PCDHA10: variants seen among roughly 807,000 people sequenced by gnomAD.
PCDHA10 encodes protocadherin alpha-10.
A neutral mutation model predicts 61.2 loss-of-function variants in PCDHA10; 45 were observed. That is an observed-to-expected ratio of 0.74 (90% CI 0.58 to 0.94). The LOEUF (loss-of-function observed/expected upper bound fraction) is 0.94, where lower values mean the gene tolerates loss of function less well. Ranked by LOEUF, PCDHA10 falls within the 40% of genes least tolerant of loss-of-function variation. The pLI, the probability that PCDHA10 is intolerant of heterozygous loss-of-function variation, is 0.00. For missense variants in PCDHA10, 1,278 were observed against 1,236.2 expected (o/e 1.03, Z -0.51); for synonymous variants, 602 against 548.8 (o/e 1.10, Z -1.35).
chr5:140,946,199 A>G (rs1300104764), intron 1 of PCDHA10, among the ~76,000 whole-genome samples: 10 of 151,964 alleles, frequency 6.6e-5, no homozygotes, highest in Admixed American at 5.2e-4. Context: ...CTCAAAAGAA[A>G]GCACACAAAT....
chr5:140,967,740 A>G, intron 1 of PCDHA10: 6 of 1,614,170 alleles, frequency 3.7e-6, no homozygotes, highest in Non-Finnish European at 5.1e-6. Flanking sequence ...GGGCTGGATT[A>G]TGAGGAAGCC....
chr5:140,894,919 T>C (rs1188144925), intron 1 of PCDHA10, among the ~76,000 whole-genome samples: 1 of 152,348 alleles, frequency 6.6e-6, no homozygotes, highest in Non-Finnish European at 1.5e-5. Context: ...TGTTGCTCTA[T>C]AGATTTCTAT....
chr5:140,896,366 C>T (rs905088200), intron 1 of PCDHA10, among the ~76,000 whole-genome samples: 1 of 152,090 alleles, frequency 6.6e-6, no homozygotes, highest in Non-Finnish European at 1.5e-5. Context: ...TATAAGCATT[C>T]CCTTTTCTCT....
At chr5:140,958,586 T>A (rs561856247) in intron 1 of PCDHA10, among the ~76,000 whole-genome samples, 11 of 152,266 alleles carry the variant, frequency 7.2e-5, no homozygotes, top group African/African-American at 2.6e-4. Flanking sequence ...TAAATGAGCT[T>A]ATGATAATTG....
chr5:140,963,895 T>C (rs1331133094), intron 1 of PCDHA10, among the ~76,000 whole-genome samples: 2 of 152,224 alleles, frequency 1.3e-5, no homozygotes, highest in Non-Finnish European at 2.9e-5. Flanking sequence ...TTAATTAAAA[T>C]GAGTAAAGTG....
intron 1 of PCDHA10, among the ~76,000 whole-genome samples, chr5:140,921,342 TA>T (rs1311011800): frequency 6.6e-6 from 1 of 152,188 alleles, no homozygotes; most frequent in African/African-American, 2.4e-5. Flanking sequence ...AATCACATAA[TA>T]TATTTGCCTA....
At chr5:140,956,200 GA>G (rs1385482287) in intron 1 of PCDHA10, among the ~76,000 whole-genome samples, 1 of 152,152 alleles carries the variant, frequency 6.6e-6, no homozygotes, top group Non-Finnish European at 1.5e-5. Flanking sequence ...TAGGAGTGGT[GA>G]AAGAGGGCAT....
intron 1 of PCDHA10, among the ~76,000 whole-genome samples, chr5:140,915,921 T>C (rs2077370703): frequency 6.6e-6 from 1 of 152,286 alleles, no homozygotes; most frequent in African/African-American, 2.4e-5. Context: ...GAGATGCTAC[T>C]TGGGAGTCAG....
intron 3 of PCDHA10, among the ~76,000 whole-genome samples, chr5:140,996,661 G>A (rs1554255301): frequency 6.6e-6 from 1 of 152,194 alleles, no homozygotes; most frequent in Admixed American, 6.5e-5. Context: ...GTGCAGGCTA[G>A]TTTTTGAACC....
intron 1 of PCDHA10, among the ~76,000 whole-genome samples, chr5:140,963,905 G>A (rs1326633249): frequency 6.6e-6 from 1 of 152,182 alleles, no homozygotes; most frequent in African/African-American, 2.4e-5. Flanking sequence ...TGAGTAAAGT[G>A]AAGCTTAGGC....
chr5:140,914,982 T>C (rs1411265179), intron 1 of PCDHA10, among the ~76,000 whole-genome samples: 1 of 149,996 alleles, frequency 6.7e-6, no homozygotes, highest in Non-Finnish European at 1.5e-5. Context: ...AGTCTTGCTC[T>C]GCTACCAGGC....
intron 1 of PCDHA10, chr5:140,929,189 A>C (rs782622519): frequency 3.1e-6 from 5 of 1,614,180 alleles, no homozygotes; most frequent in Non-Finnish European, 3.4e-6. Context: ...GGTTCTGATA[A>C]TAACAGTTTG....
chr5:140,862,343 A>G (rs1347322739), intron 1 of PCDHA10: 1 of 331,934 alleles, frequency 3.0e-6, no homozygotes, highest in Non-Finnish European at 5.9e-6. Flanking sequence ...CCCTAACTTC[A>G]GTGCCAAGGG....
chr5:140,936,640 C>G (rs782162757), intron 1 of PCDHA10, among the ~76,000 whole-genome samples: 3 of 152,208 alleles, frequency 2.0e-5, no homozygotes, highest in African/African-American at 7.2e-5. Context: ...TCATAAGCAA[C>G]GTGACTTTAT....
chr5:141,009,953 A>G lies in PCDHA10; in HGVS notation c.*16A>G, dbSNP rs782663496. 3 of 1,592,888 alleles carry G rather than the reference A, an allele frequency of 1.9e-6. No homozygotes were observed. Among genetic ancestry groups the G allele is most frequent in the Non-Finnish European group, 2.6e-6 (3 of 1,172,546 alleles). On this transcript the variant is annotated 3_prime_UTR_variant, in exon 4 of 4. Transcript: ENST00000307360. ...TGACCAGTGAGGTCCTCAAATGGAA[A>G]CAAGCCACTTAGCCAGTTTTTGTAA...
At chr5:140,873,002 T>G (rs1454301001) in intron 1 of PCDHA10, among the ~76,000 whole-genome samples, 1 of 152,218 alleles carries the variant, frequency 6.6e-6, no homozygotes, top group East Asian at 1.9e-4. Flanking sequence ...TTCTGAGTCA[T>G]TCTTCATATT....
chr5:140,913,398 AT>A (rs1172885484), intron 1 of PCDHA10, among the ~76,000 whole-genome samples: 5 of 152,132 alleles, frequency 3.3e-5, no homozygotes, highest in Non-Finnish European at 7.4e-5. Flanking sequence ...GCCACTAATG[AT>A]CCTTTGAATT....
intron 1 of PCDHA10, chr5:140,870,575 A>G (rs2052179546): frequency 6.2e-7 from 1 of 1,613,690 alleles, no homozygotes; most frequent in Admixed American, 1.7e-5. Flanking sequence ...CTGGTGTCCT[A>G]CTCGCTGGTG....
At chr5:140,956,212 C>A (rs246014) in intron 1 of PCDHA10, among the ~76,000 whole-genome samples, 85,603 of 151,956 alleles carry the variant, frequency 0.56, 24,735 homozygotes, top group African/African-American at 0.69. Context: ...AAGAGGGCAT[C>A]CTTGTCTTGT....
Sources: gnomAD v4.1 joint callset for allele counts (sites outside exome capture counted in the v4.1 genomes callset) on GRCh38, gnomAD v4.1.1 for gene constraint, MANE v1.5 for transcripts, NCBI Gene and HGNC (gene_info 2026-07-23, HGNC 2026-07-21) for gene names.